The following GSPT1 variants were observed in gnomAD, a reference collection of about 807,000 sequenced individuals.
GSPT1 encodes the protein eukaryotic peptide chain release factor GTP-binding subunit ERF3A.
GSPT1 carries 20 observed loss-of-function variants against 72.5 expected under a neutral mutation model. The observed-to-expected ratio is 0.28, with a 90% confidence interval of 0.19 to 0.40. The LOEUF (loss-of-function observed/expected upper bound fraction) is 0.40. GSPT1 is among the 10% of genes least tolerant of loss of function. The pLI, the probability that GSPT1 is intolerant of heterozygous loss-of-function variation, is 1.00. For missense variants in GSPT1, 580 were observed against 811.9 expected, an observed-to-expected ratio of 0.71 and a Z score of 3.47; for synonymous variants, 334 against 293.5, an observed-to-expected ratio of 1.14 and a Z score of -1.41.
chr16:11,891,032 A>C (rs1458036912), intron 6 of GSPT1, 30 bp downstream of exon 6: 1 of 994,442 alleles, frequency 1.0e-6, no homozygotes, highest in Non-Finnish European at 1.5e-6. Flanking sequence ...CTTAAAAGTA[A>C]TTTATAAGTG....
chr16:11,874,399 A>C (rs938783919), intron 14 of GSPT1, among the ~76,000 whole-genome samples: 1 of 149,014 alleles, frequency 6.7e-6, no homozygotes, highest in Non-Finnish European at 1.5e-5. Context: ...AATCCTGTGG[A>C]CTGAAAGGAT....
chr16:11,888,168 G>T (rs983979056), intron 6 of GSPT1, among the ~76,000 whole-genome samples: 1 of 151,388 alleles, frequency 6.6e-6, no homozygotes, highest in African/African-American at 2.4e-5. Context: ...AGAAAACAAA[G>T]AAATTGAAAG....
intron 1 of GSPT1, among the ~76,000 whole-genome samples, chr16:11,905,664 G>A (rs1056261180): frequency 2.6e-5 from 4 of 152,058 alleles, no homozygotes; most frequent in East Asian, 1.9e-4. Context: ...GTGAAACCCC[G>A]TCTCTACTAA....
At chr16:11,909,588 A>T (rs2054531784) in intron 1 of GSPT1, among the ~76,000 whole-genome samples, 11 of 152,198 alleles carry the variant, frequency 7.2e-5, no homozygotes, top group Admixed American at 7.2e-4. Flanking sequence ...TACTGTAAAA[A>T]GATAACCAGT....
chr16:11,872,646 A>G lies in GSPT1; in HGVS notation c.*473T>C, dbSNP rs1428984341. The G allele has an allele frequency of 1.3e-5, 2 of 152,584 alleles. No individual in the cohort carries two copies. The highest frequency in any genetic ancestry group is 2.9e-5 in the Non-Finnish European group (2 of 68,288). 9.5% of individuals were successfully genotyped at this position (152,584 alleles called of 1,614,324 possible). A position where few individuals can be genotyped will look rare whatever the true frequency, so the allele number is the denominator to read the frequency against. The stretch of plus-strand genomic sequence containing the variant: ...ACAATGTTACATCCAGATAAAAAAC[A>G]TTATTCAAAAGCAATTCAAATACCG... On this transcript the variant is annotated 3_prime_UTR_variant, in exon 15 of 15. Transcript: ENST00000434724.
chr16:11,868,545 C>T lies in GSPT1; in HGVS notation c.*4574G>A, dbSNP rs2053944426. 1 of 152,058 alleles carries T rather than the reference C, an allele frequency of 6.6e-6. No individual in the cohort carries two copies. Among genetic ancestry groups the T allele is most frequent in the Non-Finnish European group, 1.5e-5 (1 of 68,010 alleles). 9.4% of individuals were successfully genotyped at this position (152,058 alleles called of 1,614,324 possible). A position where few individuals can be genotyped will look rare whatever the true frequency, so the allele number is the denominator to read the frequency against. On this transcript the variant is annotated 3_prime_UTR_variant, in exon 15 of 15. Coordinates refer to ENST00000434724, the MANE Select transcript of GSPT1 (RefSeq NM_002094.4). ...TGTAGACCTTGCAGGAGGCTTAGACCTCAGTTTCACCTAATGCATGTGGAG... is the reference window on the plus strand; with the variant it reads ...TGTAGACCTTGCAGGAGGCTTAGACTTCAGTTTCACCTAATGCATGTGGAG...
At chr16:11,892,533 A>C (rs1234017284) in intron 5 of GSPT1, among the ~76,000 whole-genome samples, 2 of 131,290 alleles carry the variant, frequency 1.5e-5, no homozygotes, top group Non-Finnish European at 3.1e-5. Context: ...CAAAAAAAAC[A>C]AAAAATAAAA....
At chr16:11,899,330 CTTTTT>C (rs36028471) in intron 1 of GSPT1, among the ~76,000 whole-genome samples, 3 of 146,812 alleles carry the variant, frequency 2.0e-5, no homozygotes, top group African/African-American at 7.5e-5. Flanking sequence ...AAATTGTTTT[CTTTTT>C]TTTTTTAAGT....
At chr16:11,895,359 A>G (rs887384043) in intron 4 of GSPT1, 2 of 171,304 alleles carry the variant, frequency 1.2e-5, no homozygotes, top group African/African-American at 4.8e-5. Context: ...TGAACTCGGG[A>G]AGCAGAGGTT....
chr16:11,906,617 A>T (rs2054493663), intron 1 of GSPT1, among the ~76,000 whole-genome samples: 1 of 152,186 alleles, frequency 6.6e-6, no homozygotes, highest in Admixed American at 6.5e-5. Flanking sequence ...CTGGGCAACA[A>T]TGTGAGACCC....
At chr16:11,898,613 G>T (rs1424302380) in intron 1 of GSPT1, among the ~76,000 whole-genome samples, 1 of 151,918 alleles carries the variant, frequency 6.6e-6, no homozygotes, top group Non-Finnish European at 1.5e-5. Flanking sequence ...CACCATGCCC[G>T]GCTAATTTTG....
chr16:11,902,514 T>C (rs1338905945), intron 1 of GSPT1, among the ~76,000 whole-genome samples: 1 of 151,024 alleles, frequency 6.6e-6, no homozygotes, highest in Non-Finnish European at 1.5e-5. Context: ...TTTTAAAACA[T>C]GAAGTGAAGA....
chr16:11,915,391 G>T lies in GSPT1; in HGVS notation c.330C>A (p.Gly110=). The change falls in exon 1 of 15, where the codon GGC becomes GGA. Residue 110 remains glycine (G), a synonymous_variant. Coordinates refer to ENST00000434724, the MANE Select transcript of GSPT1 (RefSeq NM_002094.4). ...TACCCGCACGGCCTCCCGCGCCGCT[G>T]CCGGCTCCGTGGTTATTGGCGGCGC... ...VGGAANNHGA[G]SGAGGRAAPV... The T allele has an allele frequency of 6.7e-7, 1 of 1,498,052 alleles. No homozygotes were observed. Among genetic ancestry groups the T allele is most frequent in the Non-Finnish European group, 8.9e-7 (1 of 1,128,556 alleles). The allele number at this position is 1,498,052 out of a possible 1,614,324, so 92.8% of individuals were successfully genotyped here.
chr16:11,886,965 G>A (rs971981101), intron 7 of GSPT1, 34 bp from the exon 8 acceptor site: 36 of 1,580,884 alleles, frequency 2.3e-5, no homozygotes, highest in African/African-American at 1.8e-4. Flanking sequence ...TTACTCCTTC[G>A]CCTTCAGGCA....
intron 10 of GSPT1, among the ~76,000 whole-genome samples, chr16:11,883,562 G>C (rs1323575447): frequency 1.3e-5 from 2 of 151,404 alleles, no homozygotes; most frequent in Non-Finnish European, 2.9e-5. Flanking sequence ...AGAGGTTACA[G>C]TGAGCCGAGA....
chr16:11,886,399 A>G (rs1648639400), intron 9 of GSPT1, 72 bp downstream of exon 9: 3 of 957,672 alleles, frequency 3.1e-6, no homozygotes, highest in Middle Eastern at 2.9e-4. Context: ...GTTACTCAGC[A>G]TATGTCTTTA....
At chr16:11,885,968 G>T (rs947454888) in intron 9 of GSPT1, among the ~76,000 whole-genome samples, 6 of 152,016 alleles carry the variant, frequency 3.9e-5, no homozygotes, top group Non-Finnish European at 7.4e-5. Flanking sequence ...TTCAAAGAGG[G>T]AGCCAAATCA....
chr16:11,882,429 T>C (rs1390543087), intron 11 of GSPT1: 1 of 152,312 alleles, frequency 6.6e-6, no homozygotes, highest in Non-Finnish European at 1.5e-5. Flanking sequence ...GATAATACAA[T>C]TTGTAAGGTG....
At chr16:11,893,217 C>T (rs1221100498) in intron 5 of GSPT1, among the ~76,000 whole-genome samples, 1 of 151,910 alleles carries the variant, frequency 6.6e-6, no homozygotes, top group African/African-American at 2.4e-5. Context: ...CTATCATCCT[C>T]CCCCCTATAA....
Sources: allele counts gnomAD v4.1 joint callset (sites outside exome capture counted in the v4.1 genomes callset), GRCh38; gene constraint gnomAD v4.1.1; transcripts MANE v1.5; gene names NCBI Gene and HGNC (gene_info 2026-07-23, HGNC 2026-07-21).